SPOCK1: variants seen among roughly 807,000 people sequenced by gnomAD.
The protein encoded by SPOCK1 is testican-1.
In SPOCK1, 23 loss-of-function variants were observed where a neutral mutation model predicts 55.3. The ratio of observed to expected loss-of-function variants is 0.42; its 90% CI spans 0.30 to 0.59. The LOEUF is 0.59. SPOCK1 is among the 20% of genes least tolerant of loss of function. SPOCK1 has a pLI of 0.22. For missense variants in SPOCK1, 499 were observed against 552.5 expected, an observed-to-expected ratio of 0.90 and a Z score of 0.97; for synonymous variants, 226 against 221.0, an observed-to-expected ratio of 1.02 and a Z score of -0.20.
At chr5:137,407,645 G>A (rs1011198449) in intron 2 of SPOCK1, among the ~76,000 whole-genome samples, 2 of 152,010 alleles carry the variant, frequency 1.3e-5, no homozygotes, top group Non-Finnish European at 2.9e-5. Flanking sequence ...AACATAAAAT[G>A]CCAGTGATTC....
chr5:137,087,823 A>G (rs1291518230), intron 5 of SPOCK1, among the ~76,000 whole-genome samples: 1 of 151,892 alleles, frequency 6.6e-6, no homozygotes, highest in African/African-American at 2.4e-5. Context: ...GAGGTCAGGA[A>G]GCAGGGAGGA....
At chr5:136,984,536 A>C (rs1407507561) in intron 9 of SPOCK1, among the ~76,000 whole-genome samples, 1 of 152,198 alleles carries the variant, frequency 6.6e-6, no homozygotes, top group Non-Finnish European at 1.5e-5. Flanking sequence ...GGAGAAAGGC[A>C]GGCTTGGAGC....
chr5:137,411,415 A>G (rs1752206238), intron 2 of SPOCK1, among the ~76,000 whole-genome samples: 1 of 152,158 alleles, frequency 6.6e-6, no homozygotes, highest in South Asian at 2.1e-4. Flanking sequence ...ATGGAGGGAG[A>G]GGCAGGGCCA....
At chr5:137,380,056 C>T (rs1461743874) in intron 2 of SPOCK1, among the ~76,000 whole-genome samples, 1 of 152,130 alleles carries the variant, frequency 6.6e-6, no homozygotes, top group Admixed American at 6.5e-5. Context: ...GATATTCATA[C>T]AGCAACTCCC....
chr5:137,497,132 G>T (rs78352674), intron 2 of SPOCK1, among the ~76,000 whole-genome samples: 3,250 of 152,276 alleles, frequency 0.021, 55 homozygotes, highest in Non-Finnish European at 0.027. Context: ...CTCCCTGCAA[G>T]GCCTGCAGAT....
intron 2 of SPOCK1, 143 bp from the exon 3 acceptor site, chr5:137,267,198 A>G: frequency 1.6e-6 from 1 of 640,602 alleles, no homozygotes; most frequent in Admixed American, 2.9e-5. Context: ...AACAGGCATT[A>G]ATGTGTAATA....
chr5:137,400,189 G>T (rs575180538), intron 2 of SPOCK1, among the ~76,000 whole-genome samples: 28 of 152,250 alleles, frequency 1.8e-4, no homozygotes, highest in Non-Finnish European at 2.8e-4. Flanking sequence ...CTTCTGGCCA[G>T]CTCGAGTGAT....
intron 3 of SPOCK1, among the ~76,000 whole-genome samples, chr5:137,223,390 C>T (rs1054486228): frequency 6.6e-6 from 1 of 151,694 alleles, no homozygotes; most frequent in Non-Finnish European, 1.5e-5. Flanking sequence ...GTATTAAAAA[C>T]AGCATGAAAT....
At chr5:137,063,203 G>A (rs912433806) in intron 6 of SPOCK1, among the ~76,000 whole-genome samples, 3 of 144,982 alleles carry the variant, frequency 2.1e-5, no homozygotes, top group Non-Finnish European at 3.0e-5. Flanking sequence ...ACTGCAGTCC[G>A]CAGTCCGGCC....
At chr5:137,355,034 A>G (rs1453404201) in intron 2 of SPOCK1, among the ~76,000 whole-genome samples, 1 of 145,456 alleles carries the variant, frequency 6.9e-6, no homozygotes. Context: ...TCCTGAGTAG[A>G]CGGGACTACA....
intron 6 of SPOCK1, among the ~76,000 whole-genome samples, chr5:137,035,888 A>T (rs978029585): frequency 1.3e-5 from 2 of 152,204 alleles, no homozygotes; most frequent in South Asian, 4.1e-4. Flanking sequence ...CTCTCTGTTC[A>T]GACTCCTTCT....
intron 4 of SPOCK1, among the ~76,000 whole-genome samples, chr5:137,122,850 A>G (rs1179340435): frequency 6.6e-6 from 1 of 152,240 alleles, no homozygotes; most frequent in African/African-American, 2.4e-5. Context: ...CTTGAGGGCA[A>G]TTAATTATCA....
At chr5:137,461,370 T>C (rs1412072510) in intron 2 of SPOCK1, among the ~76,000 whole-genome samples, 1 of 152,184 alleles carries the variant, frequency 6.6e-6, no homozygotes, top group Non-Finnish European at 1.5e-5. Context: ...CTGGGTATTG[T>C]GTATGCTCAC....
intron 3 of SPOCK1, among the ~76,000 whole-genome samples, chr5:137,242,435 C>T (rs1484419505): frequency 6.6e-6 from 1 of 152,202 alleles, no homozygotes; most frequent in African/African-American, 2.4e-5. Context: ...CTTCCTCCTT[C>T]GCCTTCTGCC....
chr5:137,426,897 A>T (rs1383983004), intron 2 of SPOCK1, among the ~76,000 whole-genome samples: 1 of 152,166 alleles, frequency 6.6e-6, no homozygotes, highest in Non-Finnish European at 1.5e-5. Flanking sequence ...ATATTGCTGT[A>T]TGTGGCACAG....
chr5:137,319,771 C>G (rs1230994573), intron 2 of SPOCK1, among the ~76,000 whole-genome samples: 1 of 151,554 alleles, frequency 6.6e-6, no homozygotes, highest in African/African-American at 2.4e-5. Context: ...AGGTGAAACC[C>G]CGTCTCTACT....
intron 3 of SPOCK1, among the ~76,000 whole-genome samples, chr5:137,162,528 C>A (rs1373435393): frequency 6.6e-6 from 1 of 152,092 alleles, no homozygotes; most frequent in Non-Finnish European, 1.5e-5. Context: ...AGTCATTTAG[C>A]AACCTCTAAA....
At chr5:137,452,712 T>C (rs1753280978) in intron 2 of SPOCK1, among the ~76,000 whole-genome samples, 1 of 152,224 alleles carries the variant, frequency 6.6e-6, no homozygotes. Flanking sequence ...ATTACTTGCA[T>C]TTCAAATGCA....
chr5:137,355,377 C>A (rs941963770), intron 2 of SPOCK1, among the ~76,000 whole-genome samples: 14 of 152,066 alleles, frequency 9.2e-5, no homozygotes, highest in Non-Finnish European at 1.9e-4. Context: ...TTTGTAGAGG[C>A]AGGGTCTCAC....
Sources: gnomAD v4.1 joint callset for allele counts (sites outside exome capture counted in the v4.1 genomes callset) on GRCh38, gnomAD v4.1.1 for gene constraint, MANE v1.5 for transcripts, NCBI Gene and HGNC (gene_info 2026-07-23, HGNC 2026-07-21) for gene names.